Variants in CCSER1 observed in about 807,000 individuals in gnomAD.
CCSER1 encodes the protein coiled-coil serine rich protein 1.
In CCSER1, 41 loss-of-function variants were observed where a neutral mutation model predicts 82.0. The ratio of observed to expected loss-of-function variants is 0.50; its 90% confidence interval spans 0.39 to 0.65. The LOEUF is 0.65. Ranked by LOEUF, CCSER1 falls within the 30% of genes least tolerant of loss-of-function variation. The probability of loss-of-function intolerance (pLI) is 0.00; values close to 1 mark genes in which losing one functional copy is unlikely to be tolerated. For missense variants in CCSER1, 1,119 were observed against 1,064.2 expected, an observed-to-expected ratio of 1.05 and a Z score of -0.72; for synonymous variants, 414 against 383.9, an observed-to-expected ratio of 1.08 and a Z score of -0.92.
chr4:90,305,894 A>G (rs1734174238), intron 1 of CCSER1, among the ~76,000 whole-genome samples: 1 of 152,224 alleles, frequency 6.6e-6, no homozygotes, highest in East Asian at 1.9e-4. Context: ...TTATTGCATC[A>G]TTATTCATGA....
chr4:90,850,755 A>G (rs1763782851), intron 8 of CCSER1, among the ~76,000 whole-genome samples: 1 of 152,162 alleles, frequency 6.6e-6, no homozygotes, highest in Non-Finnish European at 1.5e-5. Context: ...ATCTCAAATG[A>G]GACTTTGGAC....
chr4:90,999,773 GT>G (rs1399904015), intron 9 of CCSER1, among the ~76,000 whole-genome samples: 4 of 150,024 alleles, frequency 2.7e-5, no homozygotes, highest in African/African-American at 7.4e-5. Flanking sequence ...CATTGCAATT[GT>G]TTTTTTCTTA....
At chr4:91,461,826 C>G (rs944464323) in intron 10 of CCSER1, among the ~76,000 whole-genome samples, 3 of 152,168 alleles carry the variant, frequency 2.0e-5, no homozygotes, top group Admixed American at 2.0e-4. Flanking sequence ...ATATTCTAAG[C>G]AGGCATGTAG....
intron 1 of CCSER1, among the ~76,000 whole-genome samples, chr4:90,149,392 C>T (rs1726393205): frequency 6.6e-6 from 1 of 151,952 alleles, no homozygotes. Flanking sequence ...CATTTCATTG[C>T]CCTTTGAAGA....
At chr4:90,380,023 G>A (rs1748970510) in intron 3 of CCSER1, among the ~76,000 whole-genome samples, 1 of 152,098 alleles carries the variant, frequency 6.6e-6, no homozygotes, top group African/African-American at 2.4e-5. Flanking sequence ...GGTACCAAGA[G>A]GGATGGTGCT....
chr4:91,172,002 A>T (rs1187704007), intron 10 of CCSER1, among the ~76,000 whole-genome samples: 14 of 151,814 alleles, frequency 9.2e-5, no homozygotes, highest in South Asian at 2.1e-4. Flanking sequence ...TATATTCAAT[A>T]AAAAAAATCC....
At chr4:90,886,075 T>C (rs1230817100) in intron 8 of CCSER1, among the ~76,000 whole-genome samples, 4 of 152,158 alleles carry the variant, frequency 2.6e-5, no homozygotes, top group Non-Finnish European at 5.9e-5. Context: ...TCAGGGCAAG[T>C]CTTCCTAGTC....
intron 9 of CCSER1, among the ~76,000 whole-genome samples, chr4:91,030,778 CT>C (rs1007549073): frequency 4.6e-5 from 7 of 150,944 alleles, no homozygotes; most frequent in Admixed American, 2.0e-4. Context: ...TAATTCATCT[CT>C]TTTTTTTCAT....
intron 10 of CCSER1, among the ~76,000 whole-genome samples, chr4:91,443,382 A>G (rs1755327610): frequency 6.6e-6 from 1 of 151,830 alleles, no homozygotes; most frequent in South Asian, 2.1e-4. Context: ...GGAAATCATC[A>G]TTCTCAGTAA....
At chr4:90,991,379 A>C (rs888096581) in intron 9 of CCSER1, among the ~76,000 whole-genome samples, 3 of 152,106 alleles carry the variant, frequency 2.0e-5, no homozygotes, top group Middle Eastern at 3.4e-3. Flanking sequence ...TATTGGTATC[A>C]TCAGGCCATG....
intron 6 of CCSER1, among the ~76,000 whole-genome samples, chr4:90,704,008 C>T (rs1738755516): frequency 6.6e-6 from 1 of 152,102 alleles, no homozygotes; most frequent in African/African-American, 2.4e-5. Context: ...GAATTTGATC[C>T]TGTCTTTATG....
intron 7 of CCSER1, among the ~76,000 whole-genome samples, chr4:90,761,048 A>T (rs557582898): frequency 1.3e-5 from 2 of 152,250 alleles, no homozygotes; most frequent in South Asian, 4.1e-4. Flanking sequence ...ATTTGAAATG[A>T]CAATACCAAA....
chr4:91,467,546 C>G (rs1248029716), intron 10 of CCSER1, among the ~76,000 whole-genome samples: 1 of 152,180 alleles, frequency 6.6e-6, no homozygotes, highest in East Asian at 1.9e-4. Flanking sequence ...AAAGAAACTA[C>G]CATCAGAGTG....
intron 3 of CCSER1, among the ~76,000 whole-genome samples, chr4:90,341,357 T>C (rs533440497): frequency 7.2e-5 from 11 of 152,242 alleles, no homozygotes; most frequent in African/African-American, 2.4e-4. Flanking sequence ...AACTTGACAA[T>C]GTTTAGATGG....
At chr4:90,933,018 A>AAAGAAAGAAAGAAAGAAAGAAAG (rs1730329070) in intron 9 of CCSER1, among the ~76,000 whole-genome samples, 1 of 88,288 alleles carries the variant, frequency 1.1e-5, no homozygotes, top group African/African-American at 8.0e-5. Context: ...GAAAGAAAGA[A>AAAGAAAGAAAGAAAGAAAGAAAG]AGAAAGAAAG....
intron 10 of CCSER1, among the ~76,000 whole-genome samples, chr4:91,378,243 G>A (rs1750585781): frequency 2.6e-5 from 4 of 152,082 alleles, no homozygotes; most frequent in African/African-American, 9.7e-5. Flanking sequence ...GCTCTTTTGT[G>A]GTTCCATATG....
chr4:91,062,756 T>G (rs1259830343), intron 9 of CCSER1, among the ~76,000 whole-genome samples: 1 of 152,100 alleles, frequency 6.6e-6, no homozygotes, highest in Non-Finnish European at 1.5e-5. Context: ...CATTTGGAGA[T>G]CTCTATCTTC....
At chr4:91,330,240 ACTTAT>A (rs1471944099) in intron 10 of CCSER1, among the ~76,000 whole-genome samples, 9 of 152,122 alleles carry the variant, frequency 5.9e-5, no homozygotes, top group Admixed American at 5.9e-4. Context: ...TTTTTCTCTT[ACTTAT>A]CTTTTATGGT....
intron 10 of CCSER1, among the ~76,000 whole-genome samples, chr4:91,569,157 G>T (rs980365660): frequency 6.6e-6 from 1 of 152,148 alleles, no homozygotes; most frequent in African/African-American, 2.4e-5. Flanking sequence ...TACAGCAGTT[G>T]GCACATGGGC....
Sources: allele counts gnomAD v4.1 joint callset (sites outside exome capture counted in the v4.1 genomes callset), GRCh38; gene constraint gnomAD v4.1.1; transcripts MANE v1.5; gene names NCBI Gene and HGNC (gene_info 2026-07-23, HGNC 2026-07-21).